The following FMN2 variants were observed in gnomAD, a reference collection of about 807,000 sequenced individuals.
FMN2 encodes formin-2.
A neutral mutation model predicts 142.3 loss-of-function variants in FMN2; 51 were observed. That is an observed-to-expected ratio of 0.36 (90% CI 0.29 to 0.45). The LOEUF is 0.45. Ranked by LOEUF, FMN2 falls within the 20% of genes least tolerant of loss-of-function variation. FMN2 has a pLI of 1.00. For missense variants in FMN2, 1,936 were observed against 2,122.8 expected (o/e 0.91, Z 1.73); for synonymous variants, 882 against 869.8 (o/e 1.01, Z -0.25).
At chr1:240,427,667 T>C (rs1347591622) in intron 15 of FMN2, among the ~76,000 whole-genome samples, 1 of 152,260 alleles carries the variant, frequency 6.6e-6, no homozygotes, top group Non-Finnish European at 1.5e-5. Context: ...ATTTGTTCTA[T>C]AGAGTTTCTC....
chr1:240,221,966 A>G lies in FMN2; in HGVS notation c.4065+10731A>G, dbSNP rs571924932. Among the ~76,000 whole-genome samples, 4 of 148,008 alleles carry G rather than the reference A, an allele frequency of 2.7e-5. No individual in the cohort carries two copies. In the South Asian group the frequency reaches 8.6e-4, roughly 32 times the overall value. ...GGGTTCAAGCAATTCTCCTGCCTCA[A>G]CTTCCCAAGTAGCTGGGATTATAGG... On this transcript the variant is annotated intron_variant, in intron 6 of 17. Coordinates refer to ENST00000319653, the MANE Select transcript of FMN2 (RefSeq NM_020066.5).
chr1:240,195,571 G>GAC (rs1463702108), intron 4 of FMN2, among the ~76,000 whole-genome samples: 1 of 152,122 alleles, frequency 6.6e-6, no homozygotes, highest in Non-Finnish European at 1.5e-5. Context: ...GTAATGCATT[G>GAC]ATTGGTTGAC....
At position 240,092,039 on chromosome 1, in the gene FMN2, G is replaced by T. The variant is rs1449303741; in HGVS notation, c.-71G>T. The T allele has an allele frequency of 6.7e-7, 1 of 1,488,656 alleles. No homozygotes were observed. Among genetic ancestry groups the T allele is most frequent in the East Asian group, 2.5e-5 (1 of 40,404 alleles). The allele number at this position is 1,488,656 out of a possible 1,614,324, so 92.2% of individuals were successfully genotyped here. A position where few individuals can be genotyped will look rare whatever the true frequency, so the allele number is the denominator to read the frequency against. On this transcript the variant is annotated 5_prime_UTR_variant, in exon 1 of 18. Coordinates refer to ENST00000319653, the MANE Select transcript of FMN2 (RefSeq NM_020066.5). ...TCTCCCGGGAGACTCCCTAGGCCCGGACCTGGGGCCGAGGAGGGCCGGGAT... is the reference window on the plus strand; with the variant it reads ...TCTCCCGGGAGACTCCCTAGGCCCGTACCTGGGGCCGAGGAGGGCCGGGAT...
chr1:240,210,838 A>ATG (rs1666662537), intron 5 of FMN2, among the ~76,000 whole-genome samples: 1 of 152,196 alleles, frequency 6.6e-6, no homozygotes. Context: ...CAGTGGCCTG[A>ATG]TGACTGAGGC....
At chr1:240,408,874 T>TA (rs1453943984) in intron 15 of FMN2, among the ~76,000 whole-genome samples, 3 of 152,114 alleles carry the variant, frequency 2.0e-5, no homozygotes, top group Non-Finnish European at 4.4e-5. Flanking sequence ...ACCAGTGCCT[T>TA]ATAGGTTGAC....
chr1:240,143,452 G>C (rs913084697), intron 2 of FMN2: 2 of 1,473,616 alleles, frequency 1.4e-6, no homozygotes, highest in Admixed American at 1.7e-5. Context: ...TCCCATGTCA[G>C]CAGGGGTTTC....
chr1:240,140,258 G>T (rs1571972956), intron 2 of FMN2, among the ~76,000 whole-genome samples: 2 of 152,226 alleles, frequency 1.3e-5, no homozygotes, highest in Middle Eastern at 6.8e-3. Flanking sequence ...AACACATTAA[G>T]CTTTCTATGT....
At position 240,093,439 on chromosome 1, in the gene FMN2, A is replaced by C. The variant is rs546535429; in HGVS notation, c.1330A>C (p.Lys444Gln). ...SQSPNQSPRIKRRPEPSLSRG... is the reference protein window; with the variant it reads ...SQSPNQSPRIQRRPEPSLSRG... The stretch of plus-strand genomic sequence containing the variant: ...GTCCCCTAATCAGAGCCCCAGGATC[A>C]AGAGGCGGCCGGAACCCTCCCTGAG... The change falls in exon 1 of 18, where the codon AAG (lysine) becomes CAG (glutamine). Residue 444 changes from lysine (K) to glutamine (Q), a missense_variant. Transcript: ENST00000319653. 1 of 1,613,666 alleles carries C rather than the reference A, an allele frequency of 6.2e-7. No individual in the cohort carries two copies. The highest frequency in any genetic ancestry group is 1.3e-5 in the African/African-American group (1 of 75,002).
At chr1:240,422,908 A>T (rs1420250885) in intron 15 of FMN2, among the ~76,000 whole-genome samples, 2 of 152,206 alleles carry the variant, frequency 1.3e-5, no homozygotes, top group African/African-American at 2.4e-5. Context: ...TAGATTTTCA[A>T]ACTTCTCTTC....
At chr1:240,280,514 C>CA (rs1669359774) in intron 7 of FMN2, among the ~76,000 whole-genome samples, 1 of 152,078 alleles carries the variant, frequency 6.6e-6, no homozygotes. Context: ...AAAACAGTGG[C>CA]AAAATGTGAT....
chr1:240,209,406 A>T (rs553241852), intron 5 of FMN2, among the ~76,000 whole-genome samples: 38 of 150,576 alleles, frequency 2.5e-4, no homozygotes, highest in Non-Finnish European at 4.9e-4. Flanking sequence ...GCCCGCCACC[A>T]CGCCCGGTTA....
intron 14 of FMN2, among the ~76,000 whole-genome samples, chr1:240,391,268 G>A (rs1423567105): frequency 2.6e-5 from 4 of 152,150 alleles, no homozygotes; most frequent in Non-Finnish European, 5.9e-5. Context: ...GAGTGGCAAC[G>A]TGACACTGGG....
intron 14 of FMN2, among the ~76,000 whole-genome samples, chr1:240,379,305 A>G (rs939226287): frequency 6.6e-6 from 1 of 152,058 alleles, no homozygotes; most frequent in Non-Finnish European, 1.5e-5. Flanking sequence ...TTGGCCCTGT[A>G]AAAGCTTTGG....
intron 2 of FMN2, among the ~76,000 whole-genome samples, chr1:240,167,209 G>T (rs1664516311): frequency 6.6e-6 from 1 of 152,202 alleles, no homozygotes; most frequent in Non-Finnish European, 1.5e-5. Context: ...TAGAAAATTT[G>T]TGCCAATTTG....
At chr1:240,122,764 A>T (rs2103218362) in intron 1 of FMN2, among the ~76,000 whole-genome samples, 1 of 152,252 alleles carries the variant, frequency 6.6e-6, no homozygotes, top group South Asian at 2.1e-4. Flanking sequence ...TAAAGAAAAA[A>T]AATCTGAGCT....
At chr1:240,293,267 T>G (rs986226099) in intron 7 of FMN2, among the ~76,000 whole-genome samples, 1 of 152,106 alleles carries the variant, frequency 6.6e-6, no homozygotes, top group African/African-American at 2.4e-5. Context: ...ATGAATGATT[T>G]TATTGTGTTT....
At chr1:240,258,432 A>T (rs532259381) in intron 7 of FMN2, among the ~76,000 whole-genome samples, 1 of 152,086 alleles carries the variant, frequency 6.6e-6, no homozygotes, top group Non-Finnish European at 1.5e-5. Flanking sequence ...CATCTTCTCC[A>T]TGTATCCTCA....
chr1:240,405,154 C>A (rs1000664185), intron 15 of FMN2, among the ~76,000 whole-genome samples: 4 of 152,134 alleles, frequency 2.6e-5, no homozygotes, highest in African/African-American at 9.7e-5. Context: ...GTAATGAAAT[C>A]ACTGTGTGTT....
intron 1 of FMN2, among the ~76,000 whole-genome samples, chr1:240,117,747 C>T (rs972442246): frequency 6.6e-6 from 1 of 152,080 alleles, no homozygotes; most frequent in Non-Finnish European, 1.5e-5. Flanking sequence ...CATTGATGAT[C>T]GAAAAATTAA....
Sources: gnomAD v4.1 joint callset for allele counts (sites outside exome capture counted in the v4.1 genomes callset) on GRCh38, gnomAD v4.1.1 for gene constraint, MANE v1.5 for transcripts, NCBI Gene and HGNC (gene_info 2026-07-23, HGNC 2026-07-21) for gene names.